MCCC1: variants seen among roughly 807,000 people sequenced by gnomAD.
MCCC1 encodes methylcrotonyl-CoA carboxylase subunit 1.
In MCCC1, 64 loss-of-function variants were observed where a neutral mutation model predicts 83.8. The ratio of observed to expected loss-of-function variants is 0.76; its 90% CI spans 0.62 to 0.94. MCCC1 has a LOEUF of 0.94. Among genes scored for constraint, MCCC1 ranks in the 40% least tolerant of loss-of-function variants. MCCC1 has a pLI of 0.00. For missense variants in MCCC1, 807 were observed against 904.7 expected, an observed-to-expected ratio of 0.89 and a Z score of 1.39; for synonymous variants, 322 against 315.4, an observed-to-expected ratio of 1.02 and a Z score of -0.22.
intron 8 of MCCC1, among the ~76,000 whole-genome samples, chr3:183,052,809 C>CAAAAAAAAAA (rs71185624): frequency 1.5e-5 from 1 of 66,628 alleles, no homozygotes; most frequent in Non-Finnish European, 2.5e-5. Context: ...GACTTTGTCT[C>CAAAAAAAAAA]AAAAAAAAAA....
chr3:183,088,590 T>C (rs1718090968), intron 3 of MCCC1, among the ~76,000 whole-genome samples: 1 of 152,248 alleles, frequency 6.6e-6, no homozygotes, highest in African/African-American at 2.4e-5. Context: ...AAAGTAGCCC[T>C]TTGGTACTCC....
At position 183,045,403 on chromosome 3, in the gene MCCC1, A is replaced by G. The variant is rs374971501; in HGVS notation, c.1083+10T>C. 6.2e-7 allele frequency: 1 copy of G among 1,613,802 alleles called. No homozygotes were observed. The highest frequency in any genetic ancestry group is 8.5e-7 in the Non-Finnish European group (1 of 1,179,840). ...CCAAGGCTGATTTTTAATAGAAAAAATATTCTCACTCTAAGCTGCCACTCC... is the reference window on the plus strand; with the variant it reads ...CCAAGGCTGATTTTTAATAGAAAAAGTATTCTCACTCTAAGCTGCCACTCC... On this transcript the variant is annotated intron_variant, in intron 10 of 18. Transcript: ENST00000265594.
chr3:183,071,073 C>G lies in MCCC1; in HGVS notation c.687G>C (p.Glu229Asp), dbSNP rs760797448. 9 of 1,614,100 alleles carry G rather than the reference C, an allele frequency of 5.6e-6. No individual in the cohort carries two copies. The highest frequency in any genetic ancestry group is 7.6e-6 in the Non-Finnish European group (9 of 1,180,044). Residue 229 changes from glutamate (E) to aspartate (D), a missense_variant, in exon 7 of 19, where the codon GAG (glutamate) becomes GAC (aspartate). Transcript: ENST00000265594. The part of the protein sequence containing the change: ...RSEQEFQEQL[E>D]SARREAKKSF... ...ACTTCTTAGCTTCTCTCCGTGCTGA[C>G]TCTAACTGTTCTTGAAATTCTTGTT...
intron 1 of MCCC1, among the ~76,000 whole-genome samples, chr3:183,109,370 T>C (rs956145147): frequency 6.6e-6 from 1 of 152,198 alleles, no homozygotes; most frequent in African/African-American, 2.4e-5. Context: ...CTGGTGAGCA[T>C]AGTACCTGAT....
chr3:183,091,305 C>A (rs568882791), intron 3 of MCCC1, among the ~76,000 whole-genome samples: 1 of 152,188 alleles, frequency 6.6e-6, no homozygotes, highest in Non-Finnish European at 1.5e-5. Context: ...CAGTGGCTCA[C>A]GCCTGTAATC....
At chr3:183,103,440 C>G (rs917135401), upstream of MCCC1, among the ~76,000 whole-genome samples, 2 of 152,094 alleles carry the variant, frequency 1.3e-5, no homozygotes, top group African/African-American at 2.4e-5. Flanking sequence ...AGGTTCTCCA[C>G]GTCCCCAGCC....
chr3:183,108,100 G>A (rs1274754210), intron 1 of MCCC1, among the ~76,000 whole-genome samples: 3 of 152,138 alleles, frequency 2.0e-5, no homozygotes, highest in African/African-American at 7.2e-5. Context: ...GTTTGTATTG[G>A]CTTAATGTTA....
chr3:183,080,547 G>A (rs1425426287), intron 4 of MCCC1, among the ~76,000 whole-genome samples: 1 of 151,772 alleles, frequency 6.6e-6, no homozygotes, highest in Non-Finnish European at 1.5e-5. Flanking sequence ...CAAGTCTCTA[G>A]GAAGTTCCAA....
intron 14 of MCCC1, among the ~76,000 whole-genome samples, chr3:183,028,243 T>C (rs1712768161): frequency 6.6e-6 from 1 of 152,248 alleles, no homozygotes. Flanking sequence ...CATGGTTTAC[T>C]GAATATTTTA....
chr3:183,066,701 C>T (rs1215655530), intron 7 of MCCC1, among the ~76,000 whole-genome samples: 1 of 152,182 alleles, frequency 6.6e-6, no homozygotes, highest in Non-Finnish European at 1.5e-5. Context: ...GAAAAAGAAA[C>T]TTTCAGGACT....
intron 7 of MCCC1, among the ~76,000 whole-genome samples, chr3:183,070,042 A>C (rs1716536884): frequency 6.6e-6 from 1 of 152,224 alleles, no homozygotes; most frequent in Non-Finnish European, 1.5e-5. Context: ...CTGTAAAATG[A>C]AAACAGTACT....
In MCCC1 at chr3:183,015,392, G is replaced by A. The variant is rs372620454; in HGVS notation, c.*46C>T. 1.2e-6 allele frequency: 2 copies of A among 1,611,074 alleles called. No individual in the cohort carries two copies. Among genetic ancestry groups the A allele is most frequent in the Admixed American group, 1.7e-5 (1 of 60,004 alleles). ...AAGCTGGAGGCACTTCCTCTTTTTGGTGGAGAGAGAAGACACTACTTAACT... is the reference window on the plus strand; with the variant it reads ...AAGCTGGAGGCACTTCCTCTTTTTGATGGAGAGAGAAGACACTACTTAACT... On this transcript the variant is annotated 3_prime_UTR_variant, in exon 19 of 19. Transcript: ENST00000265594.
intron 15 of MCCC1, among the ~76,000 whole-genome samples, chr3:183,024,256 A>G (rs1169188900): frequency 6.6e-6 from 1 of 151,356 alleles, no homozygotes; most frequent in African/African-American, 2.4e-5. Context: ...TTCTCAAAAC[A>G]AAAAAAAAGA....
intron 1 of MCCC1, 25 bp from the exon 2 acceptor site, chr3:183,094,630 T>C: frequency 1.2e-6 from 2 of 1,609,872 alleles, no homozygotes; most frequent in Non-Finnish European, 1.7e-6. Context: ...CAAAAGGAAT[T>C]ACAATTAAAC....
rs1212347243 is a variant in MCCC1 at position 183,092,655 on chromosome 3, T to G, written c.137-110A>C. ...AAGGACTCGACTGATAAGTTCAAGG[T>G]TTTTGGTAAAACTAGCATAACTGAG... On this transcript the variant is annotated intron_variant, in intron 2 of 18. Coordinates refer to ENST00000265594, the MANE Select transcript of MCCC1 (RefSeq NM_020166.5). 5 of 1,428,104 alleles carry G rather than the reference T, an allele frequency of 3.5e-6. No homozygotes were observed. In the East Asian group the frequency reaches 1.2e-4, roughly 35 times the overall value. 88.5% of individuals were successfully genotyped at this position (1,428,104 alleles called of 1,614,324 possible).
At chr3:183,040,556 C>CAGAAAAAA (rs1553854675) in intron 11 of MCCC1, among the ~76,000 whole-genome samples, 2 of 112,592 alleles carry the variant, frequency 1.8e-5, no homozygotes, top group Admixed American at 1.1e-4. Flanking sequence ...ACTAAAAATA[C>CAGAAAAAA]AAAAAAAAAA....
upstream of MCCC1, among the ~76,000 whole-genome samples, chr3:183,103,326 T>G (rs968127952): frequency 1.3e-5 from 2 of 152,096 alleles, no homozygotes; most frequent in African/African-American, 4.8e-5. Flanking sequence ...CCTGCTTTTA[T>G]TCTCTTATCT....
At chr3:183,054,247 G>A (rs1343479064) in intron 8 of MCCC1, among the ~76,000 whole-genome samples, 1 of 147,312 alleles carries the variant, frequency 6.8e-6, no homozygotes, top group Non-Finnish European at 1.5e-5. Flanking sequence ...GTGCAGTGGC[G>A]CGATCTCGGC....
chr3:183,039,207 T>C, intron 11 of MCCC1, 72 bp from the exon 12 acceptor site: 1 of 1,389,504 alleles, frequency 7.2e-7, no homozygotes. Context: ...GCAAGACATT[T>C]TGTTATGTAC....
Sources: gnomAD v4.1 joint callset for allele counts (sites outside exome capture counted in the v4.1 genomes callset) on GRCh38, gnomAD v4.1.1 for gene constraint, MANE v1.5 for transcripts, NCBI Gene and HGNC (gene_info 2026-07-23, HGNC 2026-07-21) for gene names.